The following M1AP variants were observed in gnomAD, a reference collection of about 807,000 sequenced individuals.
The protein encoded by M1AP is meiosis 1 arrest protein.
In M1AP, 39 loss-of-function variants were observed where a neutral mutation model predicts 51.2. That is an observed-to-expected ratio of 0.76 (90% CI 0.59 to 1.00). M1AP has a LOEUF of 1.00. M1AP is among the 50% of genes least tolerant of loss of function. M1AP has a pLI of 0.00. For synonymous variants in M1AP, 251 were observed against 249.2 expected, an observed-to-expected ratio of 1.01 and a Z score of -0.07; for missense variants, 545 against 641.2, an observed-to-expected ratio of 0.85 and a Z score of 1.62.
intron 2 of M1AP, among the ~76,000 whole-genome samples, chr2:74,634,020 T>G (rs1422202893): frequency 6.6e-6 from 1 of 152,196 alleles, no homozygotes; most frequent in Non-Finnish European, 1.5e-5. Context: ...CTAAAATACT[T>G]TTTAAAGTTA....
At chr2:74,634,685 T>C (rs1682882160) in intron 2 of M1AP, among the ~76,000 whole-genome samples, 2 of 152,198 alleles carry the variant, frequency 1.3e-5, no homozygotes, top group Admixed American at 1.3e-4. Flanking sequence ...TGGCATTAGC[T>C]GTAGGTTTTA....
intron 1 of M1AP, among the ~76,000 whole-genome samples, chr2:74,643,386 A>C (rs1683423243): frequency 6.6e-6 from 1 of 151,410 alleles, no homozygotes; most frequent in Non-Finnish European, 1.5e-5. Context: ...GAATACATAC[A>C]CATGTAGCAT....
In M1AP at chr2:74,558,372, TC is replaced by T; in HGVS notation, c.*343del. 1 of 232,932 alleles carries T rather than the reference TC, an allele frequency of 4.3e-6. No homozygotes were observed. The highest frequency in any genetic ancestry group is 8.3e-6 in the Non-Finnish European group (1 of 120,380). 14.4% of individuals were successfully genotyped at this position (232,932 alleles called of 1,614,324 possible). A position where few individuals can be genotyped will look rare whatever the true frequency, so the allele number is the denominator to read the frequency against. ...GTTTACCAAAGGTGATCTGACCTCA[TC>T]CACCTGCTTACACAGAGCTACAAGA... On this transcript the variant is annotated 3_prime_UTR_variant, in exon 11 of 11. Transcript: ENST00000421985.
intron 2 of M1AP, among the ~76,000 whole-genome samples, chr2:74,624,822 C>T (rs904541929): frequency 3.3e-5 from 5 of 151,996 alleles, no homozygotes; most frequent in African/African-American, 4.8e-5. Flanking sequence ...ATGGATGAAC[C>T]GTGATTTTAT....
chr2:74,562,043 G>C lies in M1AP; in HGVS notation c.1281+174C>G, dbSNP rs1425997479. The C allele has an allele frequency of 4.1e-6, 4 of 985,194 alleles. No homozygotes were observed. In the African/African-American group the frequency reaches 7.0e-5, roughly 17 times the overall value. The allele number at this position is 985,194 out of a possible 1,614,324, so 61.0% of individuals were successfully genotyped here. A position where few individuals can be genotyped will look rare whatever the true frequency, so the allele number is the denominator to read the frequency against. ...TCCTTACCCTGCTGCCATAATCTAAGTGTTTACTTCCTTCTTCTGGCATAA... is the reference window on the plus strand; with the variant it reads ...TCCTTACCCTGCTGCCATAATCTAACTGTTTACTTCCTTCTTCTGGCATAA... On this transcript the variant is annotated intron_variant, in intron 8 of 10. Coordinates refer to ENST00000421985, the MANE Select transcript of M1AP (RefSeq NM_001321739.2).
chr2:74,591,808 CAG>C (rs1680054028), intron 4 of M1AP, among the ~76,000 whole-genome samples: 2 of 152,022 alleles, frequency 1.3e-5, no homozygotes, highest in Admixed American at 6.5e-5. Flanking sequence ...TTTTTTGAGA[CAG>C]AGTCTCACTC....
At chr2:74,622,890 C>T (rs1395505402) in intron 2 of M1AP, among the ~76,000 whole-genome samples, 2 of 148,742 alleles carry the variant, frequency 1.3e-5, no homozygotes, top group Admixed American at 6.7e-5. Context: ...GGTAGAGATA[C>T]CAATTAATTT....
chr2:74,561,062 G>GGGAGGAGGA (rs1208357090), intron 8 of M1AP, among the ~76,000 whole-genome samples: 2 of 56,830 alleles, frequency 3.5e-5, no homozygotes, highest in East Asian at 4.7e-4. Flanking sequence ...GGAGGAGGAG[G>GGGAGGAGGA]GGAGGAGGAG....
At chr2:74,632,027 TA>T (rs1464478491) in intron 2 of M1AP, among the ~76,000 whole-genome samples, 2 of 152,232 alleles carry the variant, frequency 1.3e-5, no homozygotes, top group East Asian at 3.8e-4. Flanking sequence ...GTTCTATACG[TA>T]AGGTAATAGT....
At chr2:74,630,547 T>G (rs1394577297) in intron 2 of M1AP, among the ~76,000 whole-genome samples, 2 of 152,196 alleles carry the variant, frequency 1.3e-5, no homozygotes, top group African/African-American at 2.4e-5. Context: ...GTGTTCTCAT[T>G]GTTCAGCTCC....
chr2:74,648,025 A>C, intron 1 of M1AP: 1 of 985,528 alleles, frequency 1.0e-6, no homozygotes, highest in Non-Finnish European at 1.2e-6. Flanking sequence ...CCCGCGGAGG[A>C]AGCTCCGGGC....
intron 2 of M1AP, among the ~76,000 whole-genome samples, chr2:74,638,058 C>CT (rs879482436): frequency 0.01 from 1,485 of 143,742 alleles, 26 homozygotes; most frequent in African/African-American, 0.031. Flanking sequence ...TGGGACAATT[C>CT]TTTTTTTTTT....
chr2:74,576,855 T>C, intron 5 of M1AP: 1 of 1,292,434 alleles, frequency 7.7e-7, no homozygotes. Context: ...AAAAGTTAAC[T>C]TATCTTCAAG....
intron 7 of M1AP, 133 bp downstream of exon 7, chr2:74,575,305 A>T: frequency 6.8e-7 from 1 of 1,477,020 alleles, no homozygotes; most frequent in East Asian, 2.4e-5. Context: ...CAAATTTCAG[A>T]GTATTTCCAG....
At chr2:74,646,738 ACT>A (rs1420443319) in intron 1 of M1AP, among the ~76,000 whole-genome samples, 2 of 152,162 alleles carry the variant, frequency 1.3e-5, no homozygotes, top group African/African-American at 4.8e-5. Flanking sequence ...AAATAGTTTT[ACT>A]GTTTTACATT....
chr2:74,642,081 C>T (rs1310454504), intron 1 of M1AP, among the ~76,000 whole-genome samples: 3 of 151,990 alleles, frequency 2.0e-5, no homozygotes, highest in Non-Finnish European at 4.4e-5. Flanking sequence ...CTGCCCGCCT[C>T]GGCCTCCCAA....
chr2:74,575,850 T>C (rs938582480), intron 6 of M1AP, among the ~76,000 whole-genome samples: 3 of 152,212 alleles, frequency 2.0e-5, no homozygotes, highest in Non-Finnish European at 4.4e-5. Flanking sequence ...TTGTGTTTTT[T>C]TGTTTTGTTT....
At chr2:74,614,856 T>C in intron 3 of M1AP, 108 bp downstream of exon 3, 12 of 1,020,390 alleles carry the variant, frequency 1.2e-5, no homozygotes, top group Non-Finnish European at 1.7e-5. Context: ...CTTTGAATAT[T>C]ACATCTAGAG....
intron 4 of M1AP, among the ~76,000 whole-genome samples, chr2:74,601,621 A>C (rs1293916068): frequency 6.6e-6 from 1 of 152,158 alleles, no homozygotes; most frequent in African/African-American, 2.4e-5. Flanking sequence ...TTTCAGCAAA[A>C]TTTTAAAGAA....
Sources: gnomAD v4.1 joint callset for allele counts (sites outside exome capture counted in the v4.1 genomes callset) on GRCh38, gnomAD v4.1.1 for gene constraint, MANE v1.5 for transcripts, NCBI Gene and HGNC (gene_info 2026-07-23, HGNC 2026-07-21) for gene names.